Variants in HAPLN3 observed in about 807,000 individuals in gnomAD.
HAPLN3 encodes extracellular link domain containing, 1.
A neutral mutation model predicts 28.1 loss-of-function variants in HAPLN3; 28 were observed. The observed-to-expected ratio is 1.00, with a 90% confidence interval of 0.74 to 1.37. The LOEUF is 1.37. HAPLN3 is among the 40% of genes most tolerant of loss of function. HAPLN3 has a pLI of 0.00. For missense variants in HAPLN3, 513 were observed against 504.6 expected (o/e 1.02, Z -0.16); for synonymous variants, 211 against 213.1 (o/e 0.99, Z 0.09).
Position 88,881,433 on chromosome 15 carries a change from C to T in HAPLN3, c.417G>A (p.Glu139=). ...VSLEIQDLRL[E]DYGRYRCEVI... is the part of the protein sequence containing the mutation. ...CCTCACAGCGGTAACGCCCATAGTC[C>T]TCCAGCCGCAGATCCTGGATCTCCA... The change falls in exon 3 of 5, where the codon GAG becomes GAA. Residue 139 remains glutamate, a synonymous_variant. Transcript: ENST00000359595. This position sits in a 1 kb window ranked among gnomAD's most constrained non-coding sequence, Gnocchi z 6.0. 1.2e-6 allele frequency: 2 copies of T among 1,614,076 alleles called. No homozygotes were observed. Among genetic ancestry groups the T allele is most frequent in the Non-Finnish European group, 1.7e-6 (2 of 1,180,034 alleles).
At chr15:88,892,733 C>A (rs58990852) in intron 1 of HAPLN3, among the ~76,000 whole-genome samples, 3,959 of 152,228 alleles carry the variant, frequency 0.026, 173 homozygotes, top group African/African-American at 0.087. Flanking sequence ...AGGACAAGCA[C>A]AGCCTTGAAT....
Position 88,881,129 on chromosome 15 carries a change from C to T in HAPLN3, c.493+228G>A, listed in dbSNP as rs1432854812. 3 of 586,408 alleles carry T rather than the reference C, an allele frequency of 5.1e-6. No individual in the cohort carries two copies. The African/African-American group carries it at 5.6e-5, about 11-fold the overall frequency. The allele number at this position is 586,408 out of a possible 1,614,324, so 36.3% of individuals were successfully genotyped here. Reference sequence around the variant, plus strand: ...GAGGCTGGGTGCTTGGGTTCAGACCCCAGCTCTGTCGTTTACAAGCTGTGT... The same window carrying T: ...GAGGCTGGGTGCTTGGGTTCAGACCTCAGCTCTGTCGTTTACAAGCTGTGT... On this transcript the variant is annotated intron_variant, in intron 3 of 4. Coordinates refer to ENST00000359595, the MANE Select transcript of HAPLN3 (RefSeq NM_178232.4). The surrounding 1 kb of genome is among the most constrained non-coding windows in gnomAD (Gnocchi z 6.0).
At chr15:88,886,878 T>C (rs1273449839) in intron 2 of HAPLN3, among the ~76,000 whole-genome samples, 1 of 152,152 alleles carries the variant, frequency 6.6e-6, no homozygotes, top group African/African-American at 2.4e-5. Context: ...CCAGGTCCCC[T>C]TTCCACTGGG....
At chr15:88,894,785 A>AAGC (rs1567209200) in intron 1 of HAPLN3, among the ~76,000 whole-genome samples, 1 of 152,094 alleles carries the variant, frequency 6.6e-6, no homozygotes, top group African/African-American at 2.4e-5. Context: ...CTGTTTCCAT[A>AAGC]CTGGCTGCGC....
At chr15:88,884,737 G>A (rs1276731358) in intron 2 of HAPLN3, among the ~76,000 whole-genome samples, 6 of 152,096 alleles carry the variant, frequency 3.9e-5, no homozygotes, top group Non-Finnish European at 8.8e-5. Flanking sequence ...AGGGTATCCT[G>A]AATTTCCCAG....
Position 88,879,259 on chromosome 15 carries a change from A to G in HAPLN3, c.504T>C (p.Phe168=), listed in dbSNP as rs1158315842. Residue 168 remains phenylalanine (F), a synonymous_variant, in exon 4 of 5, where the codon TTT becomes TTC. Coordinates refer to ENST00000359595, the MANE Select transcript of HAPLN3 (RefSeq NM_178232.4). This position sits in a 1 kb window ranked among gnomAD's most constrained non-coding sequence, Gnocchi z 5.0. ...AGCGCCCGTTGGGGGACTGGTAAGGAAAGACCACACCTGCAGGGGAAGGAA... is the reference window on the plus strand; with the variant it reads ...AGCGCCCGTTGGGGGACTGGTAAGGGAAGACCACACCTGCAGGGGAAGGAA... ...LVELELRGVV[F]PYQSPNGRYQ... is the part of the protein sequence containing the mutation. The G allele has an allele frequency of 1.2e-6, 2 of 1,607,264 alleles. No individual in the cohort carries two copies. The highest frequency in any genetic ancestry group is 1.3e-5 in the African/African-American group (1 of 74,828).
chr15:88,890,601 C>T (rs984101980), intron 1 of HAPLN3, among the ~76,000 whole-genome samples: 13 of 152,186 alleles, frequency 8.5e-5, no homozygotes, highest in African/African-American at 2.4e-4. Context: ...CATTTCCAGC[C>T]TCCCTCGCAG....
At chr15:88,878,915 G>C in intron 4 of HAPLN3, 52 bp downstream of exon 4, 2 of 1,524,030 alleles carry the variant, frequency 1.3e-6, no homozygotes, top group Non-Finnish European at 1.8e-6. Flanking sequence ...CCCTCTCACA[G>C]GTCCCAGGTG....
intron 2 of HAPLN3, among the ~76,000 whole-genome samples, chr15:88,885,103 C>T (rs1313473605): frequency 6.6e-6 from 1 of 152,256 alleles, no homozygotes; most frequent in Non-Finnish European, 1.5e-5. Context: ...GAAAATGCCT[C>T]TGCAGGCACA....
At chr15:88,891,279 T>G (rs574737400) in intron 1 of HAPLN3, among the ~76,000 whole-genome samples, 1 of 151,458 alleles carries the variant, frequency 6.6e-6, no homozygotes, top group Non-Finnish European at 1.5e-5. Flanking sequence ...AGCTGAGCAC[T>G]TACTCTCTCA....
intron 2 of HAPLN3, among the ~76,000 whole-genome samples, chr15:88,882,599 A>G (rs545912004): frequency 6.6e-6 from 1 of 152,348 alleles, no homozygotes; most frequent in African/African-American, 2.4e-5. Context: ...GCAACAAAAG[A>G]ATCAAGTTCA....
rs3743395 is a variant in HAPLN3, at chr15:88,887,275, C to T, written c.24G>A (p.Pro8=). The T allele has an allele frequency of 0.25, 397,327 of 1,613,768 alleles. 49,550 individuals are homozygous for T. The highest frequency in any genetic ancestry group is 0.27 in the Middle Eastern group (1,625 of 6,060). Residue 8 remains proline, a synonymous_variant, in exon 2 of 5, where the codon CCG becomes CCA. Coordinates refer to ENST00000359595, the MANE Select transcript of HAPLN3 (RefSeq NM_178232.4). The part of the protein sequence containing the change: MGLLLLV[P]LLLLPGSYGL... ...CGTAGGAGCCGGGCAGCAGGAGCAA[C>T]GGGACCAGGAGCAACAGGCCCATCT...
chr15:88,890,143 A>G (rs1596176132), intron 1 of HAPLN3, among the ~76,000 whole-genome samples: 2 of 152,338 alleles, frequency 1.3e-5, no homozygotes, highest in Non-Finnish European at 2.9e-5. Flanking sequence ...TCTTGTTTCC[A>G]GAACAGTTAG....
At chr15:88,893,735 C>T (rs1198743451) in intron 1 of HAPLN3, among the ~76,000 whole-genome samples, 1 of 152,046 alleles carries the variant, frequency 6.6e-6, no homozygotes, top group East Asian at 1.9e-4. Context: ...CAAGACTAGC[C>T]TGGCCAACAC....
intron 2 of HAPLN3, among the ~76,000 whole-genome samples, chr15:88,884,643 T>C (rs1897797056): frequency 2.0e-5 from 3 of 152,154 alleles, no homozygotes; most frequent in Admixed American, 2.0e-4. Flanking sequence ...GGCTAAATAA[T>C]GGCCTCCCAA....
Position 88,880,738 on chromosome 15 carries a change from G to T in HAPLN3, c.493+619C>A. 2.9e-6 allele frequency: 1 copy of T among 339,906 alleles called. No individual in the cohort carries two copies. The highest frequency in any genetic ancestry group is 5.0e-5 in the Admixed American group (1 of 19,986). 21.1% of individuals were successfully genotyped at this position (339,906 alleles called of 1,614,324 possible). A position where few individuals can be genotyped will look rare whatever the true frequency, so the allele number is the denominator to read the frequency against. On this transcript the variant is annotated intron_variant, in intron 3 of 4. Coordinates refer to ENST00000359595, the MANE Select transcript of HAPLN3 (RefSeq NM_178232.4). The surrounding 1 kb of genome is among the most constrained non-coding windows in gnomAD (Gnocchi z 6.0). ...GTTTTTGGTTTTGGGGGGGCTTTTTGTTTGTTTTTTGTTTTGTTTTGTTTT... is the reference window on the plus strand; with the variant it reads ...GTTTTTGGTTTTGGGGGGGCTTTTTTTTTGTTTTTTGTTTTGTTTTGTTTT...
intron 1 of HAPLN3, among the ~76,000 whole-genome samples, chr15:88,893,943 A>G (rs1235669660): frequency 3.4e-5 from 3 of 87,894 alleles, no homozygotes; most frequent in African/African-American, 1.2e-4. Context: ...AAAAAAAAAA[A>G]GTTGGGGTGG....
In HAPLN3 at chr15:88,881,053, C is replaced by A; in HGVS notation, c.493+304G>T. 4.8e-6 allele frequency: 2 copies of A among 414,540 alleles called. No homozygotes were observed. The highest frequency in any genetic ancestry group is 3.1e-5 in the South Asian group (1 of 32,330). The allele number at this position is 414,540 out of a possible 1,614,324, so 25.7% of individuals were successfully genotyped here. On this transcript the variant is annotated intron_variant, in intron 3 of 4. Transcript: ENST00000359595. The surrounding 1 kb of genome is among the most constrained non-coding windows in gnomAD (Gnocchi z 6.0). ...AGCTGTGGGACCAGCTCTGGTTTTC[C>A]TCTCTCTGAATGAGATGTGAATTAC...
In HAPLN3 at chr15:88,879,558, A is replaced by G. The variant is rs1465670432; in HGVS notation, c.494-289T>C. On this transcript the variant is annotated intron_variant, in intron 3 of 4. Coordinates refer to ENST00000359595, the MANE Select transcript of HAPLN3 (RefSeq NM_178232.4). The surrounding 1 kb of genome is among the most constrained non-coding windows in gnomAD (Gnocchi z 5.0). ...ACCTAATCCGCAAGGCTGTCGCCAG[A>G]CCCCCAGTGAGGCTGTGCCATCTTC... 2 of 1,395,630 alleles carry G rather than the reference A, an allele frequency of 1.4e-6. No individual in the cohort carries two copies. Among genetic ancestry groups the G allele is most frequent in the Non-Finnish European group, 1.9e-6 (2 of 1,056,954 alleles). The allele number at this position is 1,395,630 out of a possible 1,614,324, so 86.5% of individuals were successfully genotyped here. A position where few individuals can be genotyped will look rare whatever the true frequency, so the allele number is the denominator to read the frequency against.
Sources: gnomAD v4.1 joint callset for allele counts (sites outside exome capture counted in the v4.1 genomes callset) on GRCh38, gnomAD v4.1.1 for gene constraint, Gnocchi (gnomAD v3.1) non-coding constraint, MANE v1.5 for transcripts, NCBI Gene and HGNC (gene_info 2026-07-23, HGNC 2026-07-21) for gene names.